The following XPOT variants were observed in gnomAD, a reference collection of about 807,000 sequenced individuals.
The protein encoded by XPOT is exportin-T.
In XPOT, 34 loss-of-function variants were observed where a neutral mutation model predicts 128.2. That is an observed-to-expected ratio of 0.27 (90% confidence interval 0.20 to 0.35). XPOT has a LOEUF of 0.35. Among genes scored for constraint, XPOT ranks in the 10% least tolerant of loss-of-function variants. The pLI is 1.00. For synonymous variants in XPOT, 348 were observed against 394.3 expected, an observed-to-expected ratio of 0.88 and a Z score of 1.39; for missense variants, 838 against 1,125.3, an observed-to-expected ratio of 0.74 and a Z score of 3.65.
chr12:64,418,236 T>C, intron 5 of XPOT, 121 bp downstream of exon 5: 1 of 755,042 alleles, frequency 1.3e-6, no homozygotes, highest in Non-Finnish European at 2.1e-6. Context: ...TTTCATAGCT[T>C]TTTTAAAAGG....
chr12:64,405,496 GT>G (rs1354494506), intron 1 of XPOT, among the ~76,000 whole-genome samples: 1 of 152,164 alleles, frequency 6.6e-6, no homozygotes, highest in Non-Finnish European at 1.5e-5. Context: ...TTTCCAAATT[GT>G]TTGATTCTTA....
Position 64,418,836 on chromosome 12 carries a change from A to G in XPOT, c.271-40A>G, listed in dbSNP as rs774637812. ...CAACTGGTGTTTCTGGGTCTTTTCA[A>G]TTTACATTTAATTTTATGGACTGTT... On this transcript the variant is annotated intron_variant, in intron 5 of 24. Coordinates refer to ENST00000332707, the MANE Select transcript of XPOT (RefSeq NM_007235.6). 5.0e-6 allele frequency: 8 copies of G among 1,589,120 alleles called. No individual in the cohort carries two copies. The African/African-American group carries it at 9.5e-5, about 19-fold the overall frequency.
At chr12:64,424,768 G>C in intron 12 of XPOT, 45 bp downstream of exon 12, 1 of 1,605,018 alleles carries the variant, frequency 6.2e-7, no homozygotes, top group Non-Finnish European at 8.5e-7. Context: ...TCTTTCTTTT[G>C]CTCTTTGATA....
intron 1 of XPOT, chr12:64,405,261 T>A (rs549132756): frequency 6.6e-6 from 1 of 152,360 alleles, no homozygotes; most frequent in Non-Finnish European, 1.5e-5. Flanking sequence ...GCACGGACGC[T>A]CCATTTCTTC....
chr12:64,424,674 C>T lies in XPOT; in HGVS notation c.1258C>T (p.Pro420Ser), dbSNP rs763942198. ...GTTGGACAGGCTTGCTCAAGTTTCACCAGAGTTACTACTGGCCTCTGTTCG... is the reference window on the plus strand; with the variant it reads ...GTTGGACAGGCTTGCTCAAGTTTCATCAGAGTTACTACTGGCCTCTGTTCG... ...LLLDRLAQVS[P>S]ELLLASVRRV... Residue 420 changes from proline (P) to serine (S), a missense_variant, in exon 12 of 25, where the codon CCA becomes TCA. Physicochemically the swap from Pro to Ser is moderately conservative, Grantham distance 74. Coordinates refer to ENST00000332707, the MANE Select transcript of XPOT (RefSeq NM_007235.6). The T allele has an allele frequency of 6.2e-7, 1 of 1,613,092 alleles. No individual in the cohort carries two copies. Among genetic ancestry groups the T allele is most frequent in the South Asian group, 1.1e-5 (1 of 91,030 alleles).
chr12:64,447,883 A>G (rs1298255755), intron 24 of XPOT, among the ~76,000 whole-genome samples: 8 of 152,236 alleles, frequency 5.3e-5, no homozygotes, highest in Non-Finnish European at 1.2e-4. Context: ...TATTTTCACT[A>G]CTTCCCCAGT....
chr12:64,424,289 C>T lies in XPOT; in HGVS notation c.1183-310C>T, dbSNP rs12366634. On this transcript the variant is annotated intron_variant, in intron 11 of 24. Transcript: ENST00000332707. ...TCTAGCTCTAGGCTTTTGAGGTCTACGGCTTTGTGCAGAAATACTTATTTG... is the reference window on the plus strand; with the variant it reads ...TCTAGCTCTAGGCTTTTGAGGTCTATGGCTTTGTGCAGAAATACTTATTTG... Among the ~76,000 whole-genome samples, 15 of 152,154 alleles carry T rather than the reference C, an allele frequency of 9.9e-5. No homozygotes were observed. The East Asian group carries it at 1.7e-3, about 18-fold the overall frequency.
At chr12:64,437,469 A>G (rs1403189313) in intron 22 of XPOT, among the ~76,000 whole-genome samples, 1 of 152,248 alleles carries the variant, frequency 6.6e-6, no homozygotes, top group African/African-American at 2.4e-5. Context: ...AAAGTTAAGT[A>G]GGTGTACAAA....
In XPOT at chr12:64,417,521, C is replaced by A. The variant is rs2040098466; in HGVS notation, c.201-525C>A. The stretch of plus-strand genomic sequence containing the variant: ...CTTCAGCCTGGGCAATACAGCAAGA[C>A]CTTGTCTCAAAAAAAAAAAAAAAAA... On this transcript the variant is annotated intron_variant, in intron 4 of 24. Transcript: ENST00000332707. Among the ~76,000 whole-genome samples the A allele has an allele frequency of 6.1e-5, 9 of 147,926 alleles. No homozygotes were observed. In the South Asian group the frequency reaches 1.9e-3, roughly 32 times the overall value.
At chr12:64,416,605 CTT>C in intron 3 of XPOT, 91 bp from the exon 4 acceptor site, 1 of 1,006,380 alleles carries the variant, frequency 9.9e-7, no homozygotes, top group Non-Finnish European at 1.5e-6. Flanking sequence ...GTTTGAGAAA[CTT>C]TTCTGCTGTA....
At chr12:64,436,909 C>T (rs1358585044) in intron 22 of XPOT, among the ~76,000 whole-genome samples, 1 of 152,224 alleles carries the variant, frequency 6.6e-6, no homozygotes, top group Admixed American at 6.5e-5. Context: ...TGGTTGCCAA[C>T]ATTTAAAAAT....
intron 16 of XPOT, 82 bp downstream of exon 16, chr12:64,428,202 TA>T (rs56063305): frequency 0.14 from 106,003 of 741,216 alleles, 4,482 homozygotes; most frequent in Middle Eastern, 0.25. Flanking sequence ...TGTTGGCATT[TA>T]AAAAAAAAAA....
chr12:64,433,151 G>A (rs1476767645), intron 18 of XPOT, among the ~76,000 whole-genome samples: 1 of 152,136 alleles, frequency 6.6e-6, no homozygotes, highest in Non-Finnish European at 1.5e-5. Context: ...TCACCATGTT[G>A]GGCAGACTGG....
In XPOT at chr12:64,430,278, G is replaced by T; in HGVS notation, c.1967G>T (p.Gly656Val). 6.4e-7 allele frequency: 1 copy of T among 1,573,682 alleles called. No individual in the cohort carries two copies. The highest frequency in any genetic ancestry group is 8.6e-7 in the Non-Finnish European group (1 of 1,164,250). ...SLADCLNHAV[G>V]FASRTSKAFS... ...GCAGACTGTCTTAACCATGCTGTTG[G>T]ATTTGCAAGGTAAGTGTGATCACAG... The change falls in exon 17 of 25, where the codon GGA becomes GTA. Residue 656 changes from glycine to valine, a missense_variant. By Grantham distance (109) the Gly-to-Val change is moderately radical. Around this residue, in one of 3 missense-constraint regions of XPOT, gnomAD observed 761 missense variants for 988.3 expected, o/e 0.77. Transcript: ENST00000332707.
Position 64,425,343 on chromosome 12 carries a change from A to G in XPOT, c.1458A>G (p.Val486=). 6.2e-7 allele frequency: 1 copy of G among 1,612,488 alleles called. No individual in the cohort carries two copies. The highest frequency in any genetic ancestry group is 8.5e-7 in the Non-Finnish European group (1 of 1,179,726). The part of the protein sequence containing the change: ...SALQDMMRTL[V]TSGVSSYQHT... ...CTAACTTTTTCCTGATCTAGCTGGT[A>G]ACATCAGGAGTCAGTTCCTATCAGC... Residue 486 remains valine, a synonymous_variant, in exon 14 of 25, where the codon GTA becomes GTG. Coordinates refer to ENST00000332707, the MANE Select transcript of XPOT (RefSeq NM_007235.6).
rs769439569 is a variant in XPOT, at chr12:64,439,228, A to G, written c.2734-16A>G. Reference sequence around the variant, plus strand: ...GTCAAGCAAGAAAATAGTTGTAAGTATCTTTTAATCTTCAGGGCCCAGAAT... The same window carrying G: ...GTCAAGCAAGAAAATAGTTGTAAGTGTCTTTTAATCTTCAGGGCCCAGAAT... On this transcript the variant is annotated splice_polypyrimidine_tract_variant and intron_variant, in intron 22 of 24. Coordinates refer to ENST00000332707, the MANE Select transcript of XPOT (RefSeq NM_007235.6). 2 of 1,611,914 alleles carry G rather than the reference A, an allele frequency of 1.2e-6. No homozygotes were observed. The highest frequency in any genetic ancestry group is 1.7e-6 in the Non-Finnish European group (2 of 1,178,328).
chr12:64,425,244 T>A, intron 13 of XPOT, 62 bp downstream of exon 13: 1 of 1,608,804 alleles, frequency 6.2e-7, no homozygotes, highest in Non-Finnish European at 8.5e-7. Flanking sequence ...CTAATGGGAG[T>A]TCCTTAATTG....
rs1053924026 is a variant in XPOT at position 64,450,377 on chromosome 12, G to A, written c.*2246G>A. 5.3e-5 allele frequency: 8 copies of A among 151,890 alleles called. No individual in the cohort carries two copies. The highest frequency in any genetic ancestry group is 1.2e-4 in the Non-Finnish European group (8 of 68,054). The allele number at this position is 151,890 out of a possible 1,614,324, so 9.4% of individuals were successfully genotyped here. On this transcript the variant is annotated 3_prime_UTR_variant, in exon 25 of 25. Transcript: ENST00000332707. ...TTACCCAGTCTGGTCTCAAACTCCC[G>A]GCCTCAAGCAATCCTCCCACTGGCC...
chr12:64,435,616 G>GT lies in XPOT; in HGVS notation c.2686-6dup. On this transcript the variant is annotated splice_polypyrimidine_tract_variant and intron_variant, in intron 21 of 24. Transcript: ENST00000332707. ...TGAATATATAGAAATTCTTAAACTT[G>GT]TTTTTCACAGGCTTTATCTGAGTGT... 1 of 1,588,548 alleles carries GT rather than the reference G, an allele frequency of 6.3e-7. No individual in the cohort carries two copies. The highest frequency in any genetic ancestry group is 1.7e-5 in the Admixed American group (1 of 57,768).
Sources: gnomAD v4.1 joint callset for allele counts (sites outside exome capture counted in the v4.1 genomes callset) on GRCh38, gnomAD v4.1.1 for gene constraint, gnomAD v4.1.1 regional missense constraint, MANE v1.5 for transcripts, NCBI Gene and HGNC (gene_info 2026-07-23, HGNC 2026-07-21) for gene names.